Variants in HTR1F observed in about 807,000 individuals in gnomAD.
HTR1F encodes 5-hydroxytryptamine (serotonin) receptor 1F, G protein-coupled.
Under a neutral mutation model 24.0 loss-of-function variants are expected in HTR1F, and 17 were observed. The ratio of observed to expected loss-of-function variants is 0.71; its 90% CI spans 0.48 to 1.06. The LOEUF is 1.06. Among genes scored for constraint, HTR1F ranks in the 50% least tolerant of loss-of-function variants. The probability of loss-of-function intolerance (pLI) is 0.00; values close to 1 mark genes in which losing one functional copy is unlikely to be tolerated. For synonymous variants in HTR1F, 186 were observed against 156.8 expected, an observed-to-expected ratio of 1.19 and a Z score of -1.39; for missense variants, 391 against 427.8, an observed-to-expected ratio of 0.91 and a Z score of 0.76.
At chr3:87,868,973 A>G (rs925597807) in intron 2 of HTR1F, among the ~76,000 whole-genome samples, 2 of 152,076 alleles carry the variant, frequency 1.3e-5, no homozygotes, top group African/African-American at 4.8e-5. Flanking sequence ...TGTAAAAGAA[A>G]GAAAAATTGA....
At chr3:87,953,490 A>T (rs1320652306) in intron 2 of HTR1F, among the ~76,000 whole-genome samples, 2 of 151,642 alleles carry the variant, frequency 1.3e-5, no homozygotes, top group African/African-American at 4.8e-5. Flanking sequence ...TCAATGAAAT[A>T]TCATCTAACC....
intron 2 of HTR1F, among the ~76,000 whole-genome samples, chr3:87,928,806 C>T (rs1559635820): frequency 6.6e-6 from 1 of 152,230 alleles, no homozygotes; most frequent in East Asian, 1.9e-4. Flanking sequence ...AAAACACTAA[C>T]TTTTAAAGAG....
chr3:87,987,568 G>C (rs571538514), intron 2 of HTR1F, among the ~76,000 whole-genome samples: 1 of 147,228 alleles, frequency 6.8e-6, no homozygotes, highest in Non-Finnish European at 1.5e-5. Context: ...AAAAGACCCA[G>C]AACACAAAGT....
intron 2 of HTR1F, among the ~76,000 whole-genome samples, chr3:87,913,264 A>G (rs1249080803): frequency 6.6e-6 from 1 of 152,162 alleles, no homozygotes; most frequent in African/African-American, 2.4e-5. Flanking sequence ...CCCCATTAAA[A>G]AGAGGACAAA....
chr3:87,978,513 C>T (rs1407603276), intron 2 of HTR1F, among the ~76,000 whole-genome samples: 1 of 152,114 alleles, frequency 6.6e-6, no homozygotes, highest in African/African-American at 2.4e-5. Flanking sequence ...TCTCAGGAGA[C>T]CCAGAGTGGT....
intron 2 of HTR1F, among the ~76,000 whole-genome samples, chr3:87,918,986 C>G (rs181448758): frequency 1.3e-5 from 2 of 152,082 alleles, no homozygotes; most frequent in Non-Finnish European, 2.9e-5. Context: ...TATTGTAAGG[C>G]TGTAGTCACC....
chr3:87,890,662 C>T (rs1452405573), intron 2 of HTR1F, among the ~76,000 whole-genome samples: 10 of 150,708 alleles, frequency 6.6e-5, no homozygotes, highest in South Asian at 2.1e-4. Flanking sequence ...AGATAAATAC[C>T]GCCAGTAATG....
At chr3:87,855,175 A>C (rs1705172296) in intron 2 of HTR1F, among the ~76,000 whole-genome samples, 1 of 152,160 alleles carries the variant, frequency 6.6e-6, no homozygotes, top group African/African-American at 2.4e-5. Context: ...TCAGCCTTCC[A>C]AAGCATCTGG....
In HTR1F at chr3:87,909,776, C is replaced by T. The variant is rs532616925; in HGVS notation, c.-42-80932C>T. 4.1e-4 allele frequency among the ~76,000 whole-genome samples: 63 copies of T among 152,088 alleles called. 1 individual carries two copies. The highest frequency in any genetic ancestry group is 6.9e-4 in the Non-Finnish European group (47 of 67,940). ...CATTTCTGCTATATTCCTCCATTCA[C>T]GACTTTATTTTCAAGGTCTCTCAGT... On this transcript the variant is annotated intron_variant, in intron 2 of 2. Transcript: ENST00000319595.
chr3:87,939,842 G>T (rs73587729), intron 2 of HTR1F, among the ~76,000 whole-genome samples: 1 of 152,052 alleles, frequency 6.6e-6, no homozygotes, highest in Non-Finnish European at 1.5e-5. Context: ...TTTTTGAAGG[G>T]TTTTTCATGT....
rs183060539 is a variant in HTR1F, at chr3:87,900,700, A to T, written c.-43+78576A>T. Among the ~76,000 whole-genome samples, 310 of 152,310 alleles carry T rather than the reference A, an allele frequency of 2.0e-3. 1 individual carries two copies. Among genetic ancestry groups the T allele is most frequent in the Middle Eastern group, 0.014 (4 of 294 alleles). ...AAGTTAGAGCCAATAAAATTTGCTG[A>T]TGTGTTAAATACATAAGGCAAAAGA... On this transcript the variant is annotated intron_variant, in intron 2 of 2. Coordinates refer to ENST00000319595, the MANE Select transcript of HTR1F (RefSeq NM_001322209.2).
chr3:87,891,398 C>A (rs539957833), intron 2 of HTR1F, among the ~76,000 whole-genome samples: 1 of 152,208 alleles, frequency 6.6e-6, no homozygotes, highest in African/African-American at 2.4e-5. Context: ...CACTTATGAA[C>A]CTCATTAATT....
At chr3:87,933,649 G>A (rs1402950421) in intron 2 of HTR1F, among the ~76,000 whole-genome samples, 2 of 152,170 alleles carry the variant, frequency 1.3e-5, no homozygotes, top group Non-Finnish European at 2.9e-5. Context: ...ACTTGCAAGG[G>A]ACATGAAGGA....
intron 1 of HTR1F, among the ~76,000 whole-genome samples, chr3:87,793,891 G>A (rs1703858172): frequency 6.6e-6 from 1 of 151,264 alleles, no homozygotes; most frequent in Admixed American, 6.6e-5. Context: ...TAAGCAGGTG[G>A]CATTAACCTC....
In HTR1F at chr3:87,935,505, G is replaced by GA. The variant is rs374690867; in HGVS notation, c.-42-55191dup. On this transcript the variant is annotated intron_variant, in intron 2 of 2. Transcript: ENST00000319595. ...GATCTTCCACTAAATGAGAAACAAA[G>GA]AAAAAAAAAAAAGGTCTTCCGCTAA... is the stretch of plus-strand genomic sequence containing the variant. Among the ~76,000 whole-genome samples the GA allele has an allele frequency of 1.6e-3, 203 of 130,558 alleles. 1 individual carries two copies. The highest frequency in any genetic ancestry group is 0.01 in the South Asian group (42 of 4,160). The allele number at this position is 130,558 out of a possible 152,430, so 85.7% of individuals were successfully genotyped here.
At chr3:87,840,790 G>A (rs1322204036) in intron 2 of HTR1F, among the ~76,000 whole-genome samples, 1 of 151,960 alleles carries the variant, frequency 6.6e-6, no homozygotes, top group East Asian at 1.9e-4. Context: ...CAACATGGCT[G>A]AACCTAGAGG....
chr3:87,893,363 AGT>A (rs1299257906), intron 2 of HTR1F, among the ~76,000 whole-genome samples: 2 of 152,208 alleles, frequency 1.3e-5, no homozygotes, highest in East Asian at 3.9e-4. Context: ...TTCCACCTAC[AGT>A]TATGTGCTTA....
intron 1 of HTR1F, among the ~76,000 whole-genome samples, 168 bp downstream of exon 1, chr3:87,793,010 C>G (rs1039807297): frequency 2.0e-5 from 3 of 152,270 alleles, no homozygotes; most frequent in Non-Finnish European, 4.4e-5. Context: ...CTACTTTGAT[C>G]TAACAGCGCA....
chr3:87,838,747 A>G (rs1360158293), intron 2 of HTR1F, among the ~76,000 whole-genome samples: 1 of 152,034 alleles, frequency 6.6e-6, no homozygotes, highest in East Asian at 1.9e-4. Flanking sequence ...CACTTTCTTC[A>G]AATCTAATGA....
Sources: allele counts gnomAD v4.1 joint callset (sites outside exome capture counted in the v4.1 genomes callset), GRCh38; gene constraint gnomAD v4.1.1; transcripts MANE v1.5; gene names NCBI Gene and HGNC (gene_info 2026-07-23, HGNC 2026-07-21).